LCN6: variants seen among roughly 807,000 people sequenced by gnomAD.
LCN6 encodes epididymal-specific lipocalin-6.
LCN6 carries 20 observed loss-of-function variants against 21.4 expected under a neutral mutation model. That is an observed-to-expected ratio of 0.93 (90% CI 0.66 to 1.36). LCN6 has a LOEUF of 1.36. LCN6 is among the 40% of genes most tolerant of loss of function. The pLI, the probability that LCN6 is intolerant of heterozygous loss-of-function variation, is 0.00. For missense variants in LCN6, 217 were observed against 206.6 expected, an observed-to-expected ratio of 1.05 and a Z score of -0.31; for synonymous variants, 96 against 89.0, an observed-to-expected ratio of 1.08 and a Z score of -0.44.
At position 136,744,892 on chromosome 9, in the gene LCN6, G is replaced by C; in HGVS notation, c.413-151C>G. 1 of 671,790 alleles carries C rather than the reference G, an allele frequency of 1.5e-6. No individual in the cohort carries two copies. The highest frequency in any genetic ancestry group is 2.6e-6 in the Non-Finnish European group (1 of 383,548). 41.6% of individuals were successfully genotyped at this position (671,790 alleles called of 1,614,324 possible). ...CCACCTCCAGTGCAGCGAGCCTCAA[G>C]GTGGGGGAACTTGGCCTGCATGTGG... On this transcript the variant is annotated intron_variant, in intron 4 of 6. Coordinates refer to ENST00000341206, the MANE Select transcript of LCN6 (RefSeq NM_198946.3). This position sits in a 1 kb window ranked among gnomAD's most constrained non-coding sequence, Gnocchi z 4.2.
chr9:136,745,527 C>T (rs569546295), intron 3 of LCN6: 1 of 591,506 alleles, frequency 1.7e-6, no homozygotes, highest in Non-Finnish European at 3.0e-6. Context: ...CAGCCTGTCC[C>T]AGGTGTGAAC....
chr9:136,745,865 C>T lies in LCN6; in HGVS notation c.280G>A (p.Gly94Arg), dbSNP rs1246401646. 2.1e-5 allele frequency: 34 copies of T among 1,613,684 alleles called. No individual in the cohort carries two copies. The highest frequency in any genetic ancestry group is 2.6e-5 in the Non-Finnish European group (31 of 1,179,890). Residue 94 changes from glycine (G) to arginine (R), a missense_variant, in exon 3 of 7, where the codon GGA becomes AGA. Coordinates refer to ENST00000341206, the MANE Select transcript of LCN6 (RefSeq NM_198946.3). Reference sequence around the variant, plus strand: ...TCACAGGGATTCTCAAACACCCATCCGGAGTTTCGCTTTATCAGGTCCATG... The same window carrying T: ...TCACAGGGATTCTCAAACACCCATCTGGAGTTTCGCTTTATCAGGTCCATG... Reference protein sequence around the residue: ...SVMDLIKRNSGWVFENPSIGV... With the variant: ...SVMDLIKRNSRWVFENPSIGV...
chr9:136,747,292 A>C, intron 2 of LCN6, 132 bp downstream of exon 2: 1 of 1,022,350 alleles, frequency 9.8e-7, no homozygotes. Context: ...CCAGTGGGAA[A>C]AGTGACGGGG....
intron 1 of LCN6, 111 bp from the exon 2 acceptor site, chr9:136,747,674 C>T (rs1247363297): frequency 1.2e-6 from 1 of 823,024 alleles, no homozygotes; most frequent in Non-Finnish European, 1.7e-6. Context: ...TCAGCCTCCA[C>T]CCTCCAACCA....
In LCN6 at chr9:136,747,478, A is replaced by C. The variant is rs575196491; in HGVS notation, c.176T>G (p.Val59Gly). 1.9e-6 allele frequency: 3 copies of C among 1,613,312 alleles called. No homozygotes were observed. Among genetic ancestry groups the C allele is most frequent in the Admixed American group, 3.3e-5 (2 of 59,972 alleles). Residue 59 changes from valine (V) to glycine (G), a missense_variant, in exon 2 of 7, where the codon GTG (valine) becomes GGG (glycine). By Grantham distance (109) the Val-to-Gly change is moderately radical. Transcript: ENST00000341206. The stretch of plus-strand genomic sequence containing the variant: ...GTTTTCTGGAGTGAGGGTCACCACC[A>C]CCCCCACGACGTTCTTCATGTCCTT... Reference protein sequence around the residue: ...MEKDMKNVVGVVVTLTPENNL... With the variant: ...MEKDMKNVVGGVVTLTPENNL...
intron 1 of LCN6, among the ~76,000 whole-genome samples, chr9:136,748,146 A>C (rs1847075752): frequency 8.7e-6 from 1 of 115,116 alleles, no homozygotes. Context: ...CTCCAACCCT[A>C]CACCCTCCAG....
chr9:136,745,443 C>A, intron 3 of LCN6, 163 bp from the exon 4 acceptor site: 1 of 570,028 alleles, frequency 1.8e-6, no homozygotes, highest in Non-Finnish European at 3.1e-6. Context: ...GCTTTGTCCC[C>A]CACCCCCGAC....
chr9:136,745,215 G>C lies in LCN6; in HGVS notation c.367C>G (p.Gln123Glu), dbSNP rs758198931. Residue 123 changes from glutamine (Q) to glutamate (E), a missense_variant, in exon 4 of 7, where the codon CAG (glutamine) becomes GAG (glutamate). By Grantham distance (29) the Gln-to-Glu change is conservative. Coordinates refer to ENST00000341206, the MANE Select transcript of LCN6 (RefSeq NM_198946.3). ...AAGGGCTCGTCCCCGAACTCCAGCT[G>C]AGTGAAGATGATGGCATAGTCTCTG... ...NFRDYAIIFT[Q>E]LEFGDEPFNT... 19 of 1,613,600 alleles carry C rather than the reference G, an allele frequency of 1.2e-5. No homozygotes were observed. The highest frequency in any genetic ancestry group is 1.6e-5 in the Non-Finnish European group (19 of 1,179,886).
At chr9:136,745,946 G>A in intron 2 of LCN6, 32 bp from the exon 3 acceptor site, 2 of 1,605,032 alleles carry the variant, frequency 1.2e-6, no homozygotes, top group South Asian at 1.1e-5. Context: ...ACCCACTCAG[G>A]GTCAAGACCC....
intron 1 of LCN6, 65 bp from the exon 2 acceptor site, chr9:136,747,628 C>CT: frequency 1.3e-6 from 2 of 1,529,008 alleles, no homozygotes; most frequent in African/African-American, 3.3e-5. Flanking sequence ...GCCTCCAACC[C>CT]TCCAGCCTCA....
chr9:136,748,130 CCA>C (rs1847075611), intron 1 of LCN6, among the ~76,000 whole-genome samples: 1 of 151,756 alleles, frequency 6.6e-6, no homozygotes, highest in African/African-American at 2.4e-5. Flanking sequence ...CCTCCAGCCT[CCA>C]GTTCTCCAAC....
Position 136,747,465 on chromosome 9 carries a change from G to T in LCN6, c.189C>A (p.Leu63=), listed in dbSNP as rs369700885. Residue 63 remains leucine, a synonymous_variant, in exon 2 of 7, where the codon CTC becomes CTA. Transcript: ENST00000341206. The part of the protein sequence containing the change: ...MKNVVGVVVT[L]TPENNLRTLS... ...GCGTCCGCAGGTTGTTTTCTGGAGT[G>T]AGGGTCACCACCACCCCCACGACGT... The T allele has an allele frequency of 6.2e-7, 1 of 1,613,700 alleles. No homozygotes were observed. The highest frequency in any genetic ancestry group is 2.2e-5 in the East Asian group (1 of 44,890).
intron 2 of LCN6, among the ~76,000 whole-genome samples, chr9:136,746,384 G>A (rs1486241132): frequency 6.8e-6 from 1 of 146,194 alleles, no homozygotes; most frequent in Non-Finnish European, 1.5e-5. Flanking sequence ...CTCAGGGGAA[G>A]GATGGGGCGG....
In LCN6 at chr9:136,745,995, G is replaced by A; in HGVS notation, c.231-81C>T. ...GAGGAGACGGAGCTCAGGAGTCCAG[G>A]CCAGGCCAGCCAGCAGTGAGGCCAG... is the stretch of plus-strand genomic sequence containing the variant. On this transcript the variant is annotated intron_variant, in intron 2 of 6. Coordinates refer to ENST00000341206, the MANE Select transcript of LCN6 (RefSeq NM_198946.3). 2.5e-6 allele frequency: 3 copies of A among 1,199,182 alleles called. No individual in the cohort carries two copies. The South Asian group carries it at 3.7e-5, about 15-fold the overall frequency. The allele number at this position is 1,199,182 out of a possible 1,614,324, so 74.3% of individuals were successfully genotyped here.
intron 4 of LCN6, 137 bp downstream of exon 4, chr9:136,745,033 C>T (rs1192807875): frequency 2.5e-6 from 2 of 799,746 alleles, no homozygotes; most frequent in East Asian, 5.2e-5. Flanking sequence ...CCCCACATGG[C>T]CCCCGAGCGG....
chr9:136,747,706 CTCCA>C, intron 1 of LCN6, 143 bp from the exon 2 acceptor site: 1 of 1,067,168 alleles, frequency 9.4e-7, no homozygotes, highest in Non-Finnish European at 1.3e-6. Flanking sequence ...AGCCTCCAGC[CTCCA>C]ACCCTCCAGC....
Position 136,744,231 on chromosome 9 carries a change from A to C in LCN6, c.*49-89T>G, listed in dbSNP as rs906614397. The C allele has an allele frequency of 3.6e-5, 6 of 164,546 alleles. No homozygotes were observed. The highest frequency in any genetic ancestry group is 8.0e-5 in the Non-Finnish European group (6 of 75,102). The allele number at this position is 164,546 out of a possible 1,614,324, so 10.2% of individuals were successfully genotyped here. The stretch of plus-strand genomic sequence containing the variant: ...TGCCTTAGAGACAGTGGAGCCATGA[A>C]CCCCGTGGGCTTGGGCAGAGGGTCC... On this transcript the variant is annotated intron_variant, in intron 6 of 6. Coordinates refer to ENST00000341206, the MANE Select transcript of LCN6 (RefSeq NM_198946.3). The surrounding 1 kb of genome is among the most constrained non-coding windows in gnomAD (Gnocchi z 4.2).
At chr9:136,745,572 AC>A in intron 3 of LCN6, 1 of 588,648 alleles carries the variant, frequency 1.7e-6, no homozygotes, top group Non-Finnish European at 3.0e-6. Flanking sequence ...CCAGCCCTGT[AC>A]CTGTAGACAG....
Position 136,745,152 on chromosome 9 carries a change from C to A in LCN6, c.412+18G>T. Reference sequence around the variant, plus strand: ...GCACCACACAGCTCCCTACGTGGGCCCCGCACAGCACACTTACTGTACAGC... The same window carrying A: ...GCACCACACAGCTCCCTACGTGGGCACCGCACAGCACACTTACTGTACAGC... On this transcript the variant is annotated intron_variant, in intron 4 of 6. Coordinates refer to ENST00000341206, the MANE Select transcript of LCN6 (RefSeq NM_198946.3). 2 of 1,502,838 alleles carry A rather than the reference C, an allele frequency of 1.3e-6. No individual in the cohort carries two copies. The highest frequency in any genetic ancestry group is 1.4e-5 in the African/African-American group (1 of 72,924). The allele number at this position is 1,502,838 out of a possible 1,614,324, so 93.1% of individuals were successfully genotyped here.
Sources: allele counts gnomAD v4.1 joint callset (sites outside exome capture counted in the v4.1 genomes callset), GRCh38; gene constraint gnomAD v4.1.1; non-coding constraint Gnocchi (gnomAD v3.1); transcripts MANE v1.5; gene names NCBI Gene and HGNC (gene_info 2026-07-23, HGNC 2026-07-21).